Variants in RGS3 observed in about 807,000 individuals in gnomAD.
RGS3 encodes the protein regulator of G protein signaling 3, also known as regulator of G-protein signalling 3.
RGS3 carries 80 observed loss-of-function variants against 132.6 expected under a neutral mutation model. The ratio of observed to expected loss-of-function variants is 0.60; its 90% CI spans 0.50 to 0.73. The LOEUF is 0.73. Among genes scored for constraint, RGS3 ranks in the 30% least tolerant of loss-of-function variants. The probability of loss-of-function intolerance (pLI) is 0.00; values close to 1 mark genes in which losing one functional copy is unlikely to be tolerated. For missense variants in RGS3, 1,382 were observed against 1,530.8 expected (o/e 0.90, Z 1.62); for synonymous variants, 598 against 620.6 (o/e 0.96, Z 0.54).
At chr9:113,582,521 T>C in intron 19 of RGS3, 1 of 152,264 alleles carries the variant, frequency 6.6e-6, no homozygotes, top group Non-Finnish European at 1.5e-5. Flanking sequence ...TCCTGGTCCT[T>C]GACTGGGAGG....
At chr9:113,556,801 G>T (rs1833585903) in intron 19 of RGS3, among the ~76,000 whole-genome samples, 1 of 152,180 alleles carries the variant, frequency 6.6e-6, no homozygotes, top group South Asian at 2.1e-4. Context: ...GAGGGGCAGG[G>T]ATTGTCAGAG....
At chr9:113,457,330 T>C (rs1829386584), upstream of RGS3, among the ~76,000 whole-genome samples, 1 of 152,202 alleles carries the variant, frequency 6.6e-6, no homozygotes, top group African/African-American at 2.4e-5. Context: ...TTGACCCCCT[T>C]TATCATCTTG....
chr9:113,456,436 G>A (rs1347816313), upstream of RGS3, among the ~76,000 whole-genome samples: 1 of 152,042 alleles, frequency 6.6e-6, no homozygotes, highest in Non-Finnish European at 1.5e-5. Context: ...TTCTGCAAAG[G>A]GCACTTCTAA....
At chr9:113,490,403 T>G (rs1830469023) in intron 7 of RGS3, among the ~76,000 whole-genome samples, 1 of 151,536 alleles carries the variant, frequency 6.6e-6, no homozygotes, top group Admixed American at 6.6e-5. Context: ...AAAGATGGCT[T>G]TAAAAAAAAT....
chr9:113,549,996 A>G (rs1429615281), intron 19 of RGS3, among the ~76,000 whole-genome samples: 3 of 152,140 alleles, frequency 2.0e-5, no homozygotes, highest in Admixed American at 6.5e-5. Context: ...CTGTCTCTGA[A>G]TGAAAAAAAA....
intron 17 of RGS3, among the ~76,000 whole-genome samples, chr9:113,528,554 T>C (rs1372971149): frequency 2.0e-5 from 3 of 152,202 alleles, no homozygotes; most frequent in Admixed American, 6.5e-5. Context: ...TCCCTCGGCG[T>C]TGACATTGGA....
intron 3 of RGS3, among the ~76,000 whole-genome samples, chr9:113,475,153 C>T (rs1829951694): frequency 6.6e-6 from 1 of 152,206 alleles, no homozygotes; most frequent in African/African-American, 2.4e-5. Flanking sequence ...CCTGTCTATT[C>T]TCCCTTTGGC....
intron 3 of RGS3, among the ~76,000 whole-genome samples, chr9:113,471,659 C>T (rs1451568415): frequency 6.6e-6 from 1 of 151,796 alleles, no homozygotes; most frequent in Non-Finnish European, 1.5e-5. Context: ...CCTCCCCGCT[C>T]TCTCTCTCCG....
chr9:113,494,148 T>C lies in RGS3; in HGVS notation c.690-1638T>C, dbSNP rs566581000. Among the ~76,000 whole-genome samples the C allele has an allele frequency of 5.9e-5, 9 of 152,184 alleles. No individual in the cohort carries two copies. The South Asian group carries it at 1.9e-3, about 32-fold the overall frequency. On this transcript the variant is annotated intron_variant, in intron 7 of 24. Coordinates refer to ENST00000350696, the Ensembl canonical transcript of RGS3. Reference sequence around the variant, plus strand: ...CAGAAAGATGACATTAAAAAAAAACTCTTACTGTCAGGATAGAACAGGATG... The same window carrying C: ...CAGAAAGATGACATTAAAAAAAAACCCTTACTGTCAGGATAGAACAGGATG...
intron 7 of RGS3, among the ~76,000 whole-genome samples, chr9:113,491,764 G>T (rs919009155): frequency 6.6e-6 from 1 of 152,120 alleles, no homozygotes; most frequent in Non-Finnish European, 1.5e-5. Flanking sequence ...ATGTTGGCCA[G>T]ACTGATCTCA....
At chr9:113,567,216 ACCCCTCCCCTCCCCT>A (rs976180677) in intron 19 of RGS3, among the ~76,000 whole-genome samples, 1 of 147,566 alleles carries the variant, frequency 6.8e-6, no homozygotes, top group Non-Finnish European at 1.5e-5. Context: ...CTGCCTGGAA[ACCCCTCCCCTCCCCT>A]CCCCTCCCCT....
At chr9:113,444,760 G>A (rs1196705579) in exon 1 of RGS3, 3 of 152,246 alleles carry the variant, frequency 2.0e-5, no homozygotes, top group African/African-American at 7.2e-5. Context: ...TTCATCCACT[G>A]TATCCTGACA....
chr9:113,466,085 GTTT>G (rs1829631998), intron 3 of RGS3, among the ~76,000 whole-genome samples: 1 of 152,196 alleles, frequency 6.6e-6, no homozygotes, highest in Admixed American at 6.5e-5. Flanking sequence ...GGAGACTCTA[GTTT>G]AATAGGTCTG....
chr9:113,575,326 C>T (rs528780581), intron 19 of RGS3, among the ~76,000 whole-genome samples: 1 of 152,298 alleles, frequency 6.6e-6, no homozygotes, highest in South Asian at 2.1e-4. Flanking sequence ...GTGAGCTAAC[C>T]TTCTGTGCCT....
intron 19 of RGS3, among the ~76,000 whole-genome samples, chr9:113,554,438 TG>T (rs2118771560): frequency 6.6e-6 from 1 of 152,380 alleles, no homozygotes; most frequent in Admixed American, 6.5e-5. Context: ...CCTGAGTAAC[TG>T]GGACTACAGG....
intron 19 of RGS3, chr9:113,580,630 C>A (rs1834747671): frequency 4.9e-6 from 1 of 205,490 alleles, no homozygotes; most frequent in Non-Finnish European, 8.6e-6. Context: ...AACCACTGGG[C>A]CCTCTGAGAA....
chr9:113,527,297 TC>T (rs1401247677), intron 17 of RGS3, among the ~76,000 whole-genome samples: 1 of 152,202 alleles, frequency 6.6e-6, no homozygotes, highest in Admixed American at 6.5e-5. Flanking sequence ...CCTTCTCTTT[TC>T]TTGCCGCCAG....
exon 22 of RGS3, chr9:113,594,465 G>A: frequency 6.2e-7 from 1 of 1,613,816 alleles, no homozygotes; most frequent in East Asian, 2.2e-5. Context: ...GGGATCTTCA[G>A]ACGGCGGAAT....
chr9:113,467,723 G>C (rs926603439), intron 3 of RGS3, among the ~76,000 whole-genome samples: 31 of 151,576 alleles, frequency 2.0e-4, no homozygotes, highest in African/African-American at 7.3e-4. Context: ...AACTTTTTTT[G>C]GGGATGGGGT....
Sources: allele counts gnomAD v4.1 joint callset (sites outside exome capture counted in the v4.1 genomes callset), GRCh38; gene constraint gnomAD v4.1.1; transcripts MANE v1.5; gene names NCBI Gene and HGNC (gene_info 2026-07-23, HGNC 2026-07-21).